The following SGPL1 variants were observed in gnomAD, a reference collection of about 807,000 sequenced individuals.
SGPL1 encodes the protein SP-lyase 1.
A neutral mutation model predicts 68.9 loss-of-function variants in SGPL1; 37 were observed. The observed-to-expected ratio is 0.54, with a 90% CI of 0.41 to 0.71. The LOEUF (loss-of-function observed/expected upper bound fraction) is 0.71. SGPL1 is among the 30% of genes least tolerant of loss of function. SGPL1 has a pLI of 0.00. For missense variants in SGPL1, 551 were observed against 704.6 expected (o/e 0.78, Z 2.47); for synonymous variants, 236 against 248.5 (o/e 0.95, Z 0.47).
At chr10:70,873,781 C>G (rs1337285506) in intron 12 of SGPL1, among the ~76,000 whole-genome samples, 192 bp downstream of exon 12, 1 of 152,220 alleles carries the variant, frequency 6.6e-6, no homozygotes, top group Non-Finnish European at 1.5e-5. Flanking sequence ...TTTCTCTGCC[C>G]TGACTTTTGG....
intron 11 of SGPL1, 29 bp from the exon 12 acceptor site, chr10:70,873,322 A>C: frequency 6.5e-7 from 1 of 1,535,334 alleles, no homozygotes. Context: ...CTATACTCTC[A>C]CTTTTCTTGT....
At chr10:70,817,467 C>G (rs34395557) in intron 2 of SGPL1, among the ~76,000 whole-genome samples, 7,228 of 152,086 alleles carry the variant, frequency 0.048, 226 homozygotes, top group Non-Finnish European at 0.064. Context: ...TTGCTATGTT[C>G]CTCAGACCGG....
rs1221954122 is a variant in SGPL1, at chr10:70,870,672, G to A, written c.811-376G>A. ...AGCTTTATGACATTCCAGAGAGGTT[G>A]ATGAAGCTGTTATATTATTGTAGTT... On this transcript the variant is annotated intron_variant, in intron 9 of 14. Coordinates refer to ENST00000373202, the MANE Select transcript of SGPL1 (RefSeq NM_003901.4). Among the ~76,000 whole-genome samples the A allele has an allele frequency of 2.6e-5, 4 of 152,176 alleles. No homozygotes were observed. The East Asian group carries it at 7.7e-4, about 29-fold the overall frequency.
At position 70,844,492 on chromosome 10, in the gene SGPL1, T is replaced by C. The variant is rs745509649; in HGVS notation, c.47T>C (p.Leu16Ser). Reference sequence around the variant, plus strand: ...TTCTAGAAGGCCTTTGAGCCCTACTTAGAGATTTTGGAAGTATACTCCACA... The same window carrying C: ...TTCTAGAAGGCCTTTGAGCCCTACTCAGAGATTTTGGAAGTATACTCCACA... ...LLMLKAFEPY[L>S]EILEVYSTKA... The change falls in exon 3 of 15, where the codon TTA becomes TCA. Residue 16 changes from leucine (L) to serine (S), a missense_variant. By Grantham distance (145) the Leu-to-Ser change is moderately radical. Coordinates refer to ENST00000373202, the MANE Select transcript of SGPL1 (RefSeq NM_003901.4). 9 of 1,613,892 alleles carry C rather than the reference T, an allele frequency of 5.6e-6. No individual in the cohort carries two copies. The highest frequency in any genetic ancestry group is 7.6e-6 in the Non-Finnish European group (9 of 1,179,808).
intron 2 of SGPL1, among the ~76,000 whole-genome samples, chr10:70,830,820 A>T (rs1845521760): frequency 6.6e-6 from 1 of 152,216 alleles, no homozygotes; most frequent in South Asian, 2.1e-4. Flanking sequence ...TTGTTAAAAG[A>T]TAATTTTCGA....
At chr10:70,857,580 G>GGGA (rs1452068799) in intron 5 of SGPL1, 34 bp from the exon 6 acceptor site, 13 of 1,552,294 alleles carry the variant, frequency 8.4e-6, no homozygotes, top group African/African-American at 2.7e-5. Flanking sequence ...AGAGATTCTT[G>GGGA]CTTACTGACC....
intron 7 of SGPL1, 151 bp from the exon 8 acceptor site, chr10:70,868,194 A>C: frequency 1.7e-6 from 1 of 581,094 alleles, no homozygotes; most frequent in Non-Finnish European, 2.9e-6. Context: ...AATAAAGCCA[A>C]ATTTTCCTTC....
chr10:70,880,078 A>T lies in SGPL1; in HGVS notation c.*2743A>T, dbSNP rs1174500040. On this transcript the variant is annotated 3_prime_UTR_variant, in exon 15 of 15. Coordinates refer to ENST00000373202, the MANE Select transcript of SGPL1 (RefSeq NM_003901.4). ...CCTAATTTCAGCAATAATCTCAAAA[A>T]GCAATTAAATAGTTAAATGACCCTA... 1 of 152,616 alleles carries T rather than the reference A, an allele frequency of 6.6e-6. No homozygotes were observed. Among genetic ancestry groups the T allele is most frequent in the South Asian group, 2.1e-4 (1 of 4,824 alleles). 9.5% of individuals were successfully genotyped at this position (152,616 alleles called of 1,614,324 possible).
intron 11 of SGPL1, 37 bp from the exon 12 acceptor site, chr10:70,873,314 A>C (rs755148051): frequency 6.8e-7 from 1 of 1,475,772 alleles, no homozygotes; most frequent in Admixed American, 1.7e-5. Flanking sequence ...AGACAGAACT[A>C]TACTCTCACT....
chr10:70,841,157 A>G (rs993121200), intron 2 of SGPL1, among the ~76,000 whole-genome samples: 4 of 152,058 alleles, frequency 2.6e-5, no homozygotes, highest in Middle Eastern at 3.2e-3. Context: ...TGGTATTGCC[A>G]TTGCTTTGGA....
intron 3 of SGPL1, among the ~76,000 whole-genome samples, chr10:70,848,247 CT>C (rs1845821092): frequency 6.6e-6 from 1 of 152,094 alleles, no homozygotes; most frequent in African/African-American, 2.4e-5. Context: ...AATATGAGGA[CT>C]GAATGGCATC....
chr10:70,861,930 T>A (rs1210279951), intron 7 of SGPL1, among the ~76,000 whole-genome samples: 1 of 152,152 alleles, frequency 6.6e-6, no homozygotes, highest in South Asian at 2.1e-4. Flanking sequence ...TCCCACCCCC[T>A]CCGTGGGCTC....
At chr10:70,851,109 T>G in intron 3 of SGPL1, 34 bp from the exon 4 acceptor site, 1 of 1,568,000 alleles carries the variant, frequency 6.4e-7, no homozygotes. Flanking sequence ...CCATGGAAAT[T>G]TATTTGAATA....
At chr10:70,823,237 A>G (rs1733494005) in intron 2 of SGPL1, among the ~76,000 whole-genome samples, 1 of 151,316 alleles carries the variant, frequency 6.6e-6, no homozygotes, top group African/African-American at 2.4e-5. Context: ...ATTTTTTAGT[A>G]CAAAATATTC....
At chr10:70,844,830 C>G (rs913812084) in intron 3 of SGPL1, among the ~76,000 whole-genome samples, 192 bp downstream of exon 3, 1 of 152,178 alleles carries the variant, frequency 6.6e-6, no homozygotes, top group African/African-American at 2.4e-5. Flanking sequence ...ACCTCTGCCT[C>G]CCAGGTTCAA....
intron 11 of SGPL1, 114 bp from the exon 12 acceptor site, chr10:70,873,235 CAT>C: frequency 1.2e-6 from 1 of 810,980 alleles, no homozygotes; most frequent in Non-Finnish European, 2.1e-6. Context: ...GAGTGGGAAA[CAT>C]AACAGAGAAA....
intron 4 of SGPL1, among the ~76,000 whole-genome samples, chr10:70,853,938 C>T (rs1845923947): frequency 6.6e-6 from 1 of 152,184 alleles, no homozygotes; most frequent in African/African-American, 2.4e-5. Flanking sequence ...TGAAGGAGCT[C>T]ATCACTTGCA....
chr10:70,844,672 G>T, intron 3 of SGPL1, 34 bp downstream of exon 3: 1 of 1,585,444 alleles, frequency 6.3e-7, no homozygotes. Context: ...AAGGTATAGT[G>T]GTGTGTCACT....
At position 70,840,264 on chromosome 10, in the gene SGPL1, C is replaced by A. The variant is rs930506675; in HGVS notation, c.28-4209C>A. Among the ~76,000 whole-genome samples the A allele has an allele frequency of 2.0e-5, 3 of 152,028 alleles. No individual in the cohort carries two copies. In the South Asian group the frequency reaches 6.2e-4, roughly 32 times the overall value. On this transcript the variant is annotated intron_variant, in intron 2 of 14. Coordinates refer to ENST00000373202, the MANE Select transcript of SGPL1 (RefSeq NM_003901.4). ...TTAATCACAAGCATGTCTGTATGAGCGTAGTCATGTCATTTCACTTTGGGG... is the reference window on the plus strand; with the variant it reads ...TTAATCACAAGCATGTCTGTATGAGAGTAGTCATGTCATTTCACTTTGGGG...
Sources: gnomAD v4.1 joint callset for allele counts (sites outside exome capture counted in the v4.1 genomes callset) on GRCh38, gnomAD v4.1.1 for gene constraint, MANE v1.5 for transcripts, NCBI Gene and HGNC (gene_info 2026-07-23, HGNC 2026-07-21) for gene names.